PTPRO: variants seen among roughly 807,000 people sequenced by gnomAD.
The protein encoded by PTPRO is receptor-type tyrosine-protein phosphatase O.
A neutral mutation model predicts 145.2 loss-of-function variants in PTPRO; 62 were observed. The ratio of observed to expected loss-of-function variants is 0.43; its 90% CI spans 0.35 to 0.53. The LOEUF (loss-of-function observed/expected upper bound fraction) is 0.53, where lower values mean the gene tolerates loss of function less well. Among genes scored for constraint, PTPRO ranks in the 20% least tolerant of loss-of-function variants. The pLI, the probability that PTPRO is intolerant of heterozygous loss-of-function variation, is 0.01. For missense variants in PTPRO, 1,345 were observed against 1,482.7 expected, an observed-to-expected ratio of 0.91 and a Z score of 1.53; for synonymous variants, 565 against 514.7, an observed-to-expected ratio of 1.10 and a Z score of -1.32.
intron 15 of PTPRO, among the ~76,000 whole-genome samples, chr12:15,553,035 A>C (rs1212940241): frequency 1.3e-5 from 2 of 152,078 alleles, no homozygotes; most frequent in East Asian, 3.9e-4. Context: ...CCTGACCTTA[A>C]GTAATCTGCC....
chr12:15,381,451 G>A (rs1435572767), intron 1 of PTPRO, among the ~76,000 whole-genome samples: 2 of 152,098 alleles, frequency 1.3e-5, no homozygotes, highest in Admixed American at 1.3e-4. Context: ...CATGAATGCT[G>A]AATGTGCCGT....
intron 17 of PTPRO, among the ~76,000 whole-genome samples, chr12:15,563,445 T>A (rs1024502831): frequency 4.9e-4 from 75 of 152,230 alleles, no homozygotes; most frequent in African/African-American, 1.7e-3. Context: ...ATTTTATCAG[T>A]GTTGCTGTGG....
intron 15 of PTPRO, among the ~76,000 whole-genome samples, chr12:15,552,708 G>A (rs1943497787): frequency 6.7e-6 from 1 of 149,914 alleles, no homozygotes; most frequent in African/African-American, 2.4e-5. Flanking sequence ...GTTGGCATTT[G>A]AATAATCTTA....
At chr12:15,344,191 G>GT (rs1259728880) in intron 1 of PTPRO, among the ~76,000 whole-genome samples, 1 of 152,174 alleles carries the variant, frequency 6.6e-6, no homozygotes, top group Non-Finnish European at 1.5e-5. Flanking sequence ...CTTGAACATT[G>GT]TTAATGTTGA....
At chr12:15,589,391 AAG>A (rs1156703340) in intron 24 of PTPRO, 62 bp from the exon 25 acceptor site, 23 of 1,598,120 alleles carry the variant, frequency 1.4e-5, no homozygotes, top group Admixed American at 3.4e-5. Flanking sequence ...AAAAAAAAAA[AAG>A]AGGGGGGAGA....
intron 1 of PTPRO, among the ~76,000 whole-genome samples, chr12:15,346,893 G>A (rs919583268): frequency 6.6e-6 from 1 of 152,084 alleles, no homozygotes; most frequent in African/African-American, 2.4e-5. Flanking sequence ...TTATCACTTT[G>A]TTAGTGTCAT....
At chr12:15,545,563 G>T (rs1307735250) in intron 12 of PTPRO, among the ~76,000 whole-genome samples, 1 of 151,498 alleles carries the variant, frequency 6.6e-6, no homozygotes, top group Non-Finnish European at 1.5e-5. Flanking sequence ...GGGTTTTTTG[G>T]TCTCAAGAGA....
At chr12:15,354,674 A>G (rs574227200) in intron 1 of PTPRO, among the ~76,000 whole-genome samples, 1 of 152,286 alleles carries the variant, frequency 6.6e-6, no homozygotes, top group South Asian at 2.1e-4. Flanking sequence ...ACTGCATGTA[A>G]TAAAAGGAGC....
intron 1 of PTPRO, among the ~76,000 whole-genome samples, chr12:15,374,267 G>A (rs1415137686): frequency 1.3e-5 from 2 of 152,130 alleles, no homozygotes; most frequent in African/African-American, 4.8e-5. Flanking sequence ...CAGTCAAGGG[G>A]CTTGAAACTT....
intron 1 of PTPRO, among the ~76,000 whole-genome samples, chr12:15,412,872 C>T (rs1939838573): frequency 6.6e-6 from 1 of 152,222 alleles, no homozygotes; most frequent in African/African-American, 2.4e-5. Flanking sequence ...CGTCTCACTA[C>T]AAACTTCACC....
chr12:15,440,335 G>A, intron 1 of PTPRO: 3 of 462,128 alleles, frequency 6.5e-6, no homozygotes, highest in Non-Finnish European at 7.8e-6. Flanking sequence ...AATTCACTGA[G>A]CACTTCTTCA....
intron 1 of PTPRO, among the ~76,000 whole-genome samples, chr12:15,471,159 G>T (rs1305753202): frequency 3.3e-5 from 5 of 152,074 alleles, no homozygotes; most frequent in Non-Finnish European, 7.4e-5. Context: ...TGGGCAGATT[G>T]CTTGAGCCCA....
intron 18 of PTPRO, among the ~76,000 whole-genome samples, chr12:15,567,781 C>A (rs1943938125): frequency 6.6e-6 from 1 of 152,148 alleles, no homozygotes; most frequent in Non-Finnish European, 1.5e-5. Flanking sequence ...CCAGGACTTA[C>A]TCTCCCTGGA....
At chr12:15,487,928 T>C (rs1178418174) in intron 2 of PTPRO, among the ~76,000 whole-genome samples, 1 of 152,202 alleles carries the variant, frequency 6.6e-6, no homozygotes, top group East Asian at 1.9e-4. Context: ...ATGAATCCAT[T>C]AAACTCGGAG....
intron 1 of PTPRO, among the ~76,000 whole-genome samples, chr12:15,451,951 C>A (rs1407183766): frequency 6.6e-6 from 1 of 151,960 alleles, no homozygotes; most frequent in Non-Finnish European, 1.5e-5. Flanking sequence ...GAAACAAGAA[C>A]AAACCAAACT....
intron 12 of PTPRO, among the ~76,000 whole-genome samples, chr12:15,546,010 C>A (rs1398983440): frequency 6.1e-5 from 8 of 131,526 alleles, no homozygotes; most frequent in Admixed American, 5.2e-4. Context: ...GTGAGACCCC[C>A]GCCTCAAAAA....
At chr12:15,535,572 A>G (rs1489619006) in intron 12 of PTPRO, among the ~76,000 whole-genome samples, 1 of 152,258 alleles carries the variant, frequency 6.6e-6, no homozygotes, top group Non-Finnish European at 1.5e-5. Context: ...ATTCAGTGCT[A>G]TGTCCTCATT....
At chr12:15,502,984 G>C (rs562174210) in intron 5 of PTPRO, among the ~76,000 whole-genome samples, 14 of 152,130 alleles carry the variant, frequency 9.2e-5, no homozygotes, top group Admixed American at 7.2e-4. Context: ...AATAGCATGA[G>C]ATACAAAATC....
chr12:15,357,609 T>C (rs1377034536), intron 1 of PTPRO, among the ~76,000 whole-genome samples: 3 of 151,556 alleles, frequency 2.0e-5, no homozygotes, highest in Non-Finnish European at 2.9e-5. Flanking sequence ...AGAAGACATT[T>C]ATGCAGCCAA....
Sources: gnomAD v4.1 joint callset for allele counts (sites outside exome capture counted in the v4.1 genomes callset) on GRCh38, gnomAD v4.1.1 for gene constraint, MANE v1.5 for transcripts, NCBI Gene and HGNC (gene_info 2026-07-23, HGNC 2026-07-21) for gene names.